HIVEP1: variants seen among roughly 807,000 people sequenced by gnomAD.
HIVEP1 encodes zinc finger protein 40.
In HIVEP1, 36 loss-of-function variants were observed where a neutral mutation model predicts 180.0. The ratio of observed to expected loss-of-function variants is 0.20; its 90% CI spans 0.15 to 0.26. The LOEUF is 0.26. HIVEP1 is among the 10% of genes least tolerant of loss of function. The probability of loss-of-function intolerance (pLI) is 1.00; values close to 1 mark genes in which losing one functional copy is unlikely to be tolerated. For synonymous variants in HIVEP1, 1,239 were observed against 1,239.0 expected, an observed-to-expected ratio of 1.00 and a Z score of 0.00; for missense variants, 3,143 against 3,268.7, an observed-to-expected ratio of 0.96 and a Z score of 0.94.
chr6:12,139,566 G>C (rs187162062), intron 7 of HIVEP1, among the ~76,000 whole-genome samples: 1 of 152,348 alleles, frequency 6.6e-6, no homozygotes, highest in East Asian at 1.9e-4. Flanking sequence ...GGGGTCAGGG[G>C]ATTTCCCTTT....
the HIVEP1 span, among the ~76,000 whole-genome samples, chr6:12,170,980 TTGA>T: frequency 2.0e-5 from 3 of 152,164 alleles, no homozygotes; most frequent in Admixed American, 2.0e-4. Context: ...GAAACATTTG[TTGA>T]TGACCCAAAT....
chr6:12,159,573 C>T (rs1261882972), intron 7 of HIVEP1, among the ~76,000 whole-genome samples: 5 of 152,058 alleles, frequency 3.3e-5, no homozygotes, highest in African/African-American at 4.8e-5. Flanking sequence ...TTATAATCCT[C>T]GCAGAGTTGC....
Position 12,127,344 on chromosome 6 carries a change from G to A in HIVEP1, c.6075+1474G>A, listed in dbSNP as rs539084244. ...TGATACTTTCTCAGTGAAGGAAAGT[G>A]CATCCAAACCACCTGTGGAATTTGT... On this transcript the variant is annotated intron_variant, in intron 4 of 8. Coordinates refer to ENST00000379388, the MANE Select transcript of HIVEP1 (RefSeq NM_002114.4). Among the ~76,000 whole-genome samples, 9 of 152,324 alleles carry A rather than the reference G, an allele frequency of 5.9e-5. No homozygotes were observed. The South Asian group carries it at 1.7e-3, about 28-fold the overall frequency.
intron 7 of HIVEP1, among the ~76,000 whole-genome samples, chr6:12,153,571 C>CAAAAAA (rs3070558): frequency 2.1e-5 from 2 of 94,652 alleles, no homozygotes; most frequent in African/African-American, 7.5e-5. Context: ...GTAAGAAATG[C>CAAAAAA]AAAAAAAAAA....
chr6:12,053,818 T>C (rs1002541036), intron 2 of HIVEP1, among the ~76,000 whole-genome samples: 63 of 152,382 alleles, frequency 4.1e-4, no homozygotes, highest in African/African-American at 1.5e-3. Flanking sequence ...AGCTCTGTTA[T>C]ATGGTGGCTT....
intron 7 of HIVEP1, among the ~76,000 whole-genome samples, chr6:12,158,133 T>G: frequency 6.6e-6 from 1 of 152,206 alleles, no homozygotes; most frequent in Non-Finnish European, 1.5e-5. Flanking sequence ...CTCTCTGAAG[T>G]ATGTTTTTTT....
rs531794376 is a variant in HIVEP1 at position 12,127,992 on chromosome 6, A to G, written c.6076-1767A>G. Among the ~76,000 whole-genome samples, 57 of 152,336 alleles carry G rather than the reference A, an allele frequency of 3.7e-4. No individual in the cohort carries two copies. In the South Asian group the frequency reaches 0.011, roughly 30 times the overall value. On this transcript the variant is annotated intron_variant, in intron 4 of 8. Transcript: ENST00000379388. ...CAATGGGAAAGAACAGATAGATGCT[A>G]TAAAGTAAAAGGATTTCTAGGCAAA...
At chr6:12,172,052 A>G in the HIVEP1 span, among the ~76,000 whole-genome samples, 2 of 152,312 alleles carry the variant, frequency 1.3e-5, no homozygotes, top group South Asian at 2.1e-4. Flanking sequence ...ACTCAAACCC[A>G]TGACCCACCC....
At chr6:12,173,320 A>G in the HIVEP1 span, among the ~76,000 whole-genome samples, 13 of 152,102 alleles carry the variant, frequency 8.5e-5, no homozygotes, top group Admixed American at 3.9e-4. Context: ...AAATGGAGCA[A>G]TTTTCCATTA....
In HIVEP1 at chr6:12,124,573, A is replaced by C; in HGVS notation, c.4778A>C (p.Asp1593Ala). Reference protein sequence around the residue: ...NQVISDPVGTDHCVTSATLPT... With the variant: ...NQVISDPVGTAHCVTSATLPT... ...GTTATTTCAGATCCAGTTGGAACAG[A>C]TCATTGTGTGACATCAGCAACATTA... The change falls in exon 4 of 9, where the codon GAT becomes GCT. Residue 1593 changes from aspartate to alanine, a missense_variant. Physicochemically the swap from Asp to Ala is moderately radical, Grantham distance 126 (BLOSUM62 -2). Coordinates refer to ENST00000379388, the MANE Select transcript of HIVEP1 (RefSeq NM_002114.4). The C allele has an allele frequency of 1.9e-6, 3 of 1,614,100 alleles. No individual in the cohort carries two copies. Among genetic ancestry groups the C allele is most frequent in the Non-Finnish European group, 2.5e-6 (3 of 1,179,992 alleles).
At chr6:12,160,896 G>A (rs1407730127) in intron 7 of HIVEP1, among the ~76,000 whole-genome samples, 2 of 152,070 alleles carry the variant, frequency 1.3e-5, no homozygotes, top group Admixed American at 6.5e-5. Context: ...AATTTGAAAG[G>A]GCCCACATTC....
intron 3 of HIVEP1, among the ~76,000 whole-genome samples, chr6:12,104,425 C>CTTTTTTTTTTTTTTTTTTTT (rs70981665): frequency 1.4e-5 from 1 of 72,778 alleles, no homozygotes; most frequent in Non-Finnish European, 2.5e-5. Flanking sequence ...CTTTTCTTTC[C>CTTTTTTTTTTTTTTTTTTTT]TTTTTTTTTT....
rs371626669 is a variant in HIVEP1, at chr6:12,161,701, C to G, written c.6750C>G (p.Pro2250=). The change falls in exon 8 of 9, where the codon CCC becomes CCG. Residue 2250 remains proline (P), a synonymous_variant. Transcript: ENST00000379388. The stretch of plus-strand genomic sequence containing the variant: ...ACACGGACCCAATGGACGTTCTGCC[C>G]AGGGCGCTGCTCACCAGAATGACTG... ...GVHTDPMDVL[P]RALLTRMTVL... 40 of 1,614,166 alleles carry G rather than the reference C, an allele frequency of 2.5e-5. No homozygotes were observed. In the African/African-American group the frequency reaches 5.1e-4, roughly 20 times the overall value.
At position 12,120,881 on chromosome 6, in the gene HIVEP1, G is replaced by C; in HGVS notation, c.1086G>C (p.Pro362=). ...MDSASPLSIS[P]ANSTQSPPMP... ...CTGCTTCACCTTTGTCAATAAGTCC[G>C]GCTAATTCTACACAGTCGCCCCCCA... The change falls in exon 4 of 9, where the codon CCG becomes CCC. Residue 362 remains proline (P), a synonymous_variant. Coordinates refer to ENST00000379388, the MANE Select transcript of HIVEP1 (RefSeq NM_002114.4). The C allele has an allele frequency of 6.2e-7, 1 of 1,614,080 alleles. No homozygotes were observed.
At chr6:12,131,458 T>C (rs1410483773) in intron 6 of HIVEP1, among the ~76,000 whole-genome samples, 1 of 151,834 alleles carries the variant, frequency 6.6e-6, no homozygotes, top group Non-Finnish European at 1.5e-5. Flanking sequence ...TGTTAAATTT[T>C]AGCTTCAAAA....
At chr6:12,181,714 C>T in the HIVEP1 span, among the ~76,000 whole-genome samples, 2 of 152,310 alleles carry the variant, frequency 1.3e-5, no homozygotes, top group Non-Finnish European at 2.9e-5. Context: ...GCCCTCGCTA[C>T]AGTCAGTACA....
chr6:12,178,684 A>C, the HIVEP1 span, among the ~76,000 whole-genome samples: 1 of 152,166 alleles, frequency 6.6e-6, no homozygotes, highest in East Asian at 1.9e-4. Context: ...TTGGAAAAAC[A>C]ATCTGGCAGT....
rs759156244 is a variant in HIVEP1, at chr6:12,124,875, C to A, written c.5080C>A (p.Gln1694Lys). Reference protein sequence around the residue: ...NSVPTLQKGHQNALPNPEKEF... With the variant: ...NSVPTLQKGHKNALPNPEKEF... ...TGTGCCAACATTACAAAAAGGTCATCAGAATGCTTTGCCAAACCCAGAGAA... is the reference window on the plus strand; with the variant it reads ...TGTGCCAACATTACAAAAAGGTCATAAGAATGCTTTGCCAAACCCAGAGAA... The change falls in exon 4 of 9, where the codon CAG (glutamine) becomes AAG (lysine). Residue 1694 changes from glutamine (Q) to lysine (K), a missense_variant. Coordinates refer to ENST00000379388, the MANE Select transcript of HIVEP1 (RefSeq NM_002114.4). 1.2e-5 allele frequency: 19 copies of A among 1,614,066 alleles called. 1 individual carries two copies. In the South Asian group the frequency reaches 2.0e-4, roughly 17 times the overall value.
chr6:12,204,686 T>C, the HIVEP1 span, among the ~76,000 whole-genome samples: 15 of 152,200 alleles, frequency 9.9e-5, no homozygotes, highest in Non-Finnish European at 2.1e-4. Flanking sequence ...CAACTATTTA[T>C]TGAGTACCTA....
Sources: gnomAD v4.1 joint callset for allele counts (sites outside exome capture counted in the v4.1 genomes callset) on GRCh38, gnomAD v4.1.1 for gene constraint, MANE v1.5 for transcripts, NCBI Gene and HGNC (gene_info 2026-07-23, HGNC 2026-07-21) for gene names.